The following RANBP2 variants were observed in gnomAD, a reference collection of about 807,000 sequenced individuals.
RANBP2 encodes E3 SUMO-protein ligase RanBP2.
A neutral mutation model predicts 303.6 loss-of-function variants in RANBP2; 57 were observed. The observed-to-expected ratio is 0.19, with a 90% CI of 0.15 to 0.23. The LOEUF (loss-of-function observed/expected upper bound fraction) is 0.23, where lower values mean the gene tolerates loss of function less well. Among genes scored for constraint, RANBP2 ranks in the 10% least tolerant of loss-of-function variants. The pLI, the probability that RANBP2 is intolerant of heterozygous loss-of-function variation, is 1.00. For synonymous variants in RANBP2, 1,167 were observed against 1,301.5 expected (o/e 0.90, Z 2.23); for missense variants, 3,138 against 3,780.8 (o/e 0.83, Z 4.46).
the RANBP2 span, among the ~76,000 whole-genome samples, chr2:109,227,943 G>A: frequency 6.6e-6 from 1 of 152,324 alleles, no homozygotes; most frequent in African/African-American, 2.4e-5. Flanking sequence ...CCAAACAAAC[G>A]TGCATTGGTG....
chr2:109,518,096 A>G, the RANBP2 span, among the ~76,000 whole-genome samples: 8 of 152,336 alleles, frequency 5.3e-5, no homozygotes, highest in African/African-American at 1.9e-4. Flanking sequence ...CGCTTTTCTA[A>G]TTGGCGGCAT....
chr2:108,975,175 C>G, the RANBP2 span, among the ~76,000 whole-genome samples: 5 of 152,198 alleles, frequency 3.3e-5, no homozygotes, highest in Admixed American at 3.3e-4. Context: ...TGCAGCACTC[C>G]AGGAGCTGCA....
At chr2:108,982,116 G>A in the RANBP2 span, among the ~76,000 whole-genome samples, 1 of 152,270 alleles carries the variant, frequency 6.6e-6, no homozygotes, top group Non-Finnish European at 1.5e-5. Context: ...AATGCTTTAG[G>A]CCATGAGAAT....
the RANBP2 span, chr2:109,371,505 C>A: frequency 8.6e-7 from 1 of 1,168,334 alleles, no homozygotes; most frequent in Non-Finnish European, 1.3e-6. Context: ...CGAGCCTCCA[C>A]AGTACTAACC....
chr2:109,485,981 A>T, the RANBP2 span, among the ~76,000 whole-genome samples: 2 of 152,248 alleles, frequency 1.3e-5, no homozygotes, highest in African/African-American at 2.4e-5. Flanking sequence ...AGCCAGCCAG[A>T]CAGCTCAGGT....
chr2:108,932,608 C>T, the RANBP2 span, among the ~76,000 whole-genome samples: 1 of 150,906 alleles, frequency 6.6e-6, no homozygotes, highest in Admixed American at 6.6e-5. Flanking sequence ...AAGTCAGCAG[C>T]CAGGGAACGG....
the RANBP2 span, among the ~76,000 whole-genome samples, chr2:109,661,244 G>A: frequency 4.1e-5 from 3 of 72,474 alleles, no homozygotes; most frequent in Non-Finnish European, 8.9e-5. Context: ...TTAGTAGAAG[G>A]GCTTTTTTTT....
chr2:109,492,143 G>A, the RANBP2 span, among the ~76,000 whole-genome samples: 3 of 152,196 alleles, frequency 2.0e-5, no homozygotes, highest in African/African-American at 7.2e-5. Flanking sequence ...ATGGGCCGGT[G>A]TCCCAGTAAA....
the RANBP2 span, among the ~76,000 whole-genome samples, chr2:109,653,228 C>T: frequency 6.6e-6 from 1 of 152,060 alleles, no homozygotes; most frequent in Non-Finnish European, 1.5e-5. Context: ...AACCCCGTCT[C>T]TACTAAAAGT....
chr2:108,868,354 A>G, the RANBP2 span, among the ~76,000 whole-genome samples: 5 of 152,298 alleles, frequency 3.3e-5, no homozygotes, highest in South Asian at 1.0e-3. Flanking sequence ...ATCTTTCTCA[A>G]ATTGAAGATT....
intron 1 of RANBP2, among the ~76,000 whole-genome samples, chr2:108,727,026 T>C (rs1192748018): frequency 1.3e-5 from 2 of 152,102 alleles, no homozygotes; most frequent in African/African-American, 4.8e-5. Context: ...GTCTCCCATG[T>C]CTACTTCTTT....
At chr2:109,507,746 C>T in the RANBP2 span, among the ~76,000 whole-genome samples, 2 of 152,210 alleles carry the variant, frequency 1.3e-5, no homozygotes, top group Non-Finnish European at 2.9e-5. Context: ...TCATTTGAAC[C>T]TGCCCCAAAA....
At chr2:108,957,069 C>A in the RANBP2 span, among the ~76,000 whole-genome samples, 1 of 152,216 alleles carries the variant, frequency 6.6e-6, no homozygotes, top group Non-Finnish European at 1.5e-5. Flanking sequence ...GAATTACAGG[C>A]GTGAGCCGCC....
the RANBP2 span, among the ~76,000 whole-genome samples, chr2:109,640,929 A>G: frequency 0.4 from 61,050 of 151,906 alleles, 12,420 homozygotes; most frequent in Admixed American, 0.45. Flanking sequence ...CTTGGAGGCT[A>G]TGGCTTTTAG....
the RANBP2 span, among the ~76,000 whole-genome samples, chr2:109,314,525 C>T: frequency 2.4e-4 from 36 of 152,174 alleles, no homozygotes; most frequent in African/African-American, 8.4e-4. Context: ...AATTTCTCTA[C>T]CATATGAATA....
the RANBP2 span, among the ~76,000 whole-genome samples, chr2:109,718,567 G>C: frequency 6.6e-5 from 10 of 152,212 alleles, no homozygotes; most frequent in Non-Finnish European, 1.5e-4. Context: ...GAGGTAGAGA[G>C]ATGGATCAAG....
chr2:109,306,143 A>G, the RANBP2 span, among the ~76,000 whole-genome samples: 2 of 152,188 alleles, frequency 1.3e-5, no homozygotes, highest in Non-Finnish European at 2.9e-5. Context: ...AGCAGATAAC[A>G]TTGTCAACAC....
the RANBP2 span, among the ~76,000 whole-genome samples, chr2:109,104,719 G>A: frequency 7.5e-4 from 114 of 152,028 alleles, 2 homozygotes; most frequent in East Asian, 0.022. Flanking sequence ...TCCTGACCTC[G>A]TGATCCGCCC....
the RANBP2 span, among the ~76,000 whole-genome samples, chr2:109,625,087 C>CAAAAAAAAAAAAAAAAAACAAAA: frequency 1.7e-5 from 1 of 60,122 alleles, no homozygotes; most frequent in African/African-American, 4.9e-5. Context: ...ACAACAACAA[C>CAAAAAAAAAAAAAAAAAACAAAA]AAAAAAAAAA....
Sources: allele counts gnomAD v4.1 joint callset (sites outside exome capture counted in the v4.1 genomes callset), GRCh38; gene constraint gnomAD v4.1.1; transcripts MANE v1.5; gene names NCBI Gene and HGNC (gene_info 2026-07-23, HGNC 2026-07-21).